Variants in FGF14 observed in about 807,000 individuals in gnomAD.
The protein encoded by FGF14 is fibroblast growth factor 14.
In FGF14, 5 loss-of-function variants were observed where a neutral mutation model predicts 25.5. The observed-to-expected ratio is 0.20, with a 90% CI of 0.10 to 0.41. The LOEUF (loss-of-function observed/expected upper bound fraction) is 0.41. FGF14 is among the 10% of genes least tolerant of loss of function. The pLI is 1.00. For synonymous variants in FGF14, 138 were observed against 118.3 expected, an observed-to-expected ratio of 1.17 and a Z score of -1.08; for missense variants, 222 against 320.1, an observed-to-expected ratio of 0.69 and a Z score of 2.34.
intron 1 of FGF14, among the ~76,000 whole-genome samples, chr13:102,393,520 A>G (rs903424034): frequency 6.6e-6 from 1 of 152,228 alleles, no homozygotes; most frequent in African/African-American, 2.4e-5. Flanking sequence ...AAGATTTAAG[A>G]AAGATTTTTC....
chr13:102,342,391 A>T (rs771199778), intron 1 of FGF14, among the ~76,000 whole-genome samples: 19 of 152,276 alleles, frequency 1.2e-4, no homozygotes, highest in African/African-American at 1.9e-4. Flanking sequence ...ATGAAATCCT[A>T]CATAAGTTAC....
Position 101,891,915 on chromosome 13 carries a change from A to G in FGF14, c.194-16619T>C, listed in dbSNP as rs79872816. 0.016 allele frequency among the ~76,000 whole-genome samples: 2,432 copies of G among 152,246 alleles called. 168 individuals are homozygous for G. The East Asian group carries it at 0.2, about 12-fold the overall frequency. The stretch of plus-strand genomic sequence containing the variant: ...TTCTGATACATGCTTCAGATGGAGA[A>G]TATCAGAAATAGAGAAAGAAGTTGA... On this transcript the variant is annotated intron_variant, in intron 1 of 4. Coordinates refer to ENST00000376143, the MANE Select transcript of FGF14 (RefSeq NM_004115.4).
At chr13:102,222,798 A>G (rs1228851336) in intron 1 of FGF14, among the ~76,000 whole-genome samples, 1 of 152,084 alleles carries the variant, frequency 6.6e-6, no homozygotes, top group Non-Finnish European at 1.5e-5. Context: ...CCTCTAATCA[A>G]TGTCCTTCTC....
At chr13:102,001,232 G>A (rs2039478796) in intron 1 of FGF14, among the ~76,000 whole-genome samples, 1 of 152,116 alleles carries the variant, frequency 6.6e-6, no homozygotes, top group African/African-American at 2.4e-5. Flanking sequence ...TCTGGGAAAA[G>A]GACACACTAA....
chr13:101,836,938 C>T (rs2042952988), intron 3 of FGF14, among the ~76,000 whole-genome samples: 1 of 151,922 alleles, frequency 6.6e-6, no homozygotes, highest in Admixed American at 6.6e-5. Flanking sequence ...TCAATTCACC[C>T]ACAATTTTTT....
chr13:102,373,427 G>C (rs528856183), intron 1 of FGF14: 1 of 152,260 alleles, frequency 6.6e-6, no homozygotes, highest in South Asian at 2.1e-4. Context: ...TCCCCAGGTT[G>C]CAGAAAATGA....
chr13:102,320,019 G>A (rs2056184026), intron 1 of FGF14, among the ~76,000 whole-genome samples: 1 of 152,106 alleles, frequency 6.6e-6, no homozygotes, highest in Non-Finnish European at 1.5e-5. Flanking sequence ...TAGTATTCCT[G>A]TGGAAAGATA....
intron 3 of FGF14, among the ~76,000 whole-genome samples, chr13:101,799,203 T>C (rs879371527): frequency 6.6e-5 from 10 of 152,120 alleles, no homozygotes; most frequent in Non-Finnish European, 1.3e-4. Context: ...TTGGAGACTT[T>C]TTTTCTCCCT....
upstream of FGF14, among the ~76,000 whole-genome samples, chr13:101,920,596 A>G (rs1483918754): frequency 6.6e-6 from 1 of 152,124 alleles, no homozygotes. Flanking sequence ...CAGTTTACTC[A>G]TTTCTATCTT....
chr13:102,219,850 T>A (rs774636168), intron 1 of FGF14, among the ~76,000 whole-genome samples: 16 of 152,154 alleles, frequency 1.1e-4, no homozygotes, highest in Non-Finnish European at 2.4e-4. Context: ...ACATTACTTG[T>A]ATTTTATAGT....
At chr13:101,989,608 A>G (rs1045936615) in intron 1 of FGF14, among the ~76,000 whole-genome samples, 2 of 152,218 alleles carry the variant, frequency 1.3e-5, no homozygotes, top group South Asian at 4.1e-4. Flanking sequence ...AGCCATGCAT[A>G]TATGTTTTTG....
intron 3 of FGF14, among the ~76,000 whole-genome samples, chr13:101,806,481 TTTTTG>T (rs2140160315): frequency 6.6e-6 from 1 of 152,100 alleles, no homozygotes; most frequent in Non-Finnish European, 1.5e-5. Flanking sequence ...AAAATTTTTT[TTTTTG>T]TTTTCATTCC....
At chr13:101,750,351 A>G (rs929852530) in intron 3 of FGF14, among the ~76,000 whole-genome samples, 1 of 152,140 alleles carries the variant, frequency 6.6e-6, no homozygotes, top group African/African-American at 2.4e-5. Flanking sequence ...ATATTTCACT[A>G]TACATACAGA....
intron 1 of FGF14, among the ~76,000 whole-genome samples, chr13:102,315,242 AG>A (rs1225189460): frequency 1.3e-5 from 2 of 152,156 alleles, no homozygotes; most frequent in Non-Finnish European, 2.9e-5. Flanking sequence ...CTTTCTGTAA[AG>A]GGGATCTTTT....
chr13:101,738,184 T>C (rs2036307108), intron 3 of FGF14, among the ~76,000 whole-genome samples: 2 of 152,178 alleles, frequency 1.3e-5, no homozygotes, highest in African/African-American at 2.4e-5. Context: ...TTAGAGGACA[T>C]AATAGATTAA....
chr13:101,887,147 A>G (rs955934383), intron 1 of FGF14, among the ~76,000 whole-genome samples: 3 of 152,016 alleles, frequency 2.0e-5, no homozygotes, highest in African/African-American at 7.2e-5. Context: ...GTTTCTCAAA[A>G]AATAAAAAAG....
intron 1 of FGF14, among the ~76,000 whole-genome samples, chr13:102,226,982 C>T (rs760872671): frequency 1.3e-5 from 2 of 152,140 alleles, no homozygotes; most frequent in South Asian, 2.1e-4. Context: ...TATTTAACTC[C>T]ATTTCCTCCC....
chr13:101,913,281 G>A (rs918405425), intron 1 of FGF14, among the ~76,000 whole-genome samples: 1 of 152,166 alleles, frequency 6.6e-6, no homozygotes, highest in Non-Finnish European at 1.5e-5. Context: ...GGTCGGTGGA[G>A]GGTAGATGGA....
intron 1 of FGF14, among the ~76,000 whole-genome samples, chr13:102,009,866 G>A (rs1404102134): frequency 6.6e-6 from 1 of 152,038 alleles, no homozygotes; most frequent in African/African-American, 2.4e-5. Context: ...AAATATAGAG[G>A]TTATTAGTGA....
Sources: gnomAD v4.1 joint callset for allele counts (sites outside exome capture counted in the v4.1 genomes callset) on GRCh38, gnomAD v4.1.1 for gene constraint, MANE v1.5 for transcripts, NCBI Gene and HGNC (gene_info 2026-07-23, HGNC 2026-07-21) for gene names.